Variants in ARSH observed in about 807,000 individuals in gnomAD.
ARSH encodes the protein arylsulfatase family member H.
ARSH carries 32 observed loss-of-function variants against 28.7 expected under a neutral mutation model. That is an observed-to-expected ratio of 1.11 (90% confidence interval 0.84 to 1.50). The LOEUF is 1.50. Among genes scored for constraint, ARSH ranks in the 40% most tolerant of loss-of-function variants. The pLI is 0.00. For missense variants in ARSH, 440 were observed against 452.4 expected (o/e 0.97, Z 0.25); for synonymous variants, 176 against 177.3 (o/e 0.99, Z 0.06).
chrX:3,011,226 A>G (rs1325939079), intron 2 of ARSH, among the ~76,000 whole-genome samples: 1 of 103,142 alleles, frequency 9.7e-6, no homozygotes, highest in Admixed American at 1.1e-4. Context: ...TCAGGATTTC[A>G]GGATTTTTTC....
chrX:3,013,480 G>T (rs2089856874), intron 3 of ARSH, among the ~76,000 whole-genome samples: 1 of 108,262 alleles, frequency 9.2e-6, no homozygotes, highest in African/African-American at 3.4e-5. Context: ...CAGTAAATTT[G>T]TAGAGAAGTA....
intron 3 of ARSH, among the ~76,000 whole-genome samples, chrX:3,014,620 C>G (rs1456785333): frequency 9.0e-6 from 1 of 111,361 alleles, no homozygotes; most frequent in Non-Finnish European, 1.9e-5. Context: ...ACCAAGACAT[C>G]GATTCTGCCC....
rs184082801 is a variant in ARSH at position 3,019,158 on chromosome X, G to A, written c.901+488G>A. Among the ~76,000 whole-genome samples the A allele has an allele frequency of 9.2e-5, 10 of 108,503 alleles. No homozygotes were observed. The East Asian group carries it at 2.0e-3, about 22-fold the overall frequency. The allele number at this position is 108,503 out of a possible 115,157, so 94.2% of individuals were successfully genotyped here. On this transcript the variant is annotated intron_variant, in intron 5 of 8. Transcript: ENST00000381130. ...TGCGGGCCTGTAGTCCCAGCTGCTC[G>A]GGAGGGTGAGGCAGGAGAATCACTT...
In ARSH at chrX:3,009,791, G is replaced by A. The variant is rs61284298; in HGVS notation, c.93-239G>A. Among the ~76,000 whole-genome samples, 609 of 111,515 alleles carry A rather than the reference G, an allele frequency of 5.5e-3. 5 individuals carry two copies. Among genetic ancestry groups the A allele is most frequent in the African/African-American group, 0.019 (590 of 30,737 alleles). On this transcript the variant is annotated intron_variant, in intron 1 of 8. Transcript: ENST00000381130. ...TCTCAGACTCATAAAACTGTATACC[G>A]AGTGACCTGTATTCATTTGTAATAG...
intron 2 of ARSH, among the ~76,000 whole-genome samples, chrX:3,012,563 A>G (rs1413280023): frequency 4.6e-5 from 1 of 21,967 alleles, no homozygotes; most frequent in Admixed American, 5.8e-4. Context: ...AAAAAAAAAA[A>G]AAAAAATATA....
intron 5 of ARSH, among the ~76,000 whole-genome samples, chrX:3,021,807 G>A (rs1024409232): frequency 9.5e-6 from 1 of 105,814 alleles, no homozygotes; most frequent in Non-Finnish European, 1.9e-5. Flanking sequence ...TGACCTCCTC[G>A]GCTCAGGTGA....
chrX:3,021,233 A>G (rs1245743520), intron 5 of ARSH, among the ~76,000 whole-genome samples: 1 of 110,094 alleles, frequency 9.1e-6, no homozygotes, highest in Non-Finnish European at 1.9e-5. Context: ...CCGTAAAGGG[A>G]TTTTCTGTTA....
chrX:3,032,421 GGAAGGAAGGAAGGGGAA>G (rs2089916816), intron 8 of ARSH, among the ~76,000 whole-genome samples: 1 of 101,689 alleles, frequency 9.8e-6, no homozygotes, highest in Non-Finnish European at 2.0e-5. Flanking sequence ...AGGAAAGGAA[GGAAGGAAGGAAGGGGAA>G]GGGAAGGGAA....
intron 5 of ARSH, among the ~76,000 whole-genome samples, chrX:3,023,112 A>T (rs2089888729): frequency 9.5e-6 from 1 of 105,311 alleles, no homozygotes; most frequent in Non-Finnish European, 1.9e-5. Context: ...TTGTATATGA[A>T]CTATTCTACA....
chrX:3,033,671 G>C lies in ARSH; in HGVS notation c.*286G>C, dbSNP rs568718357. The stretch of plus-strand genomic sequence containing the variant: ...GGTGACTTCAGCAGATTCTTGTAGA[G>C]CTTTTGTTCCTAGAATTCATGGAAG... On this transcript the variant is annotated 3_prime_UTR_variant, in exon 9 of 9. Transcript: ENST00000381130. 1.7e-5 allele frequency: 3 copies of C among 173,112 alleles called. No homozygotes were observed. In the East Asian group the frequency reaches 3.5e-4, roughly 20 times the overall value. The allele number at this position is 173,112 out of a possible 1,213,427, so 14.3% of individuals were successfully genotyped here.
rs758336736 is a variant in ARSH, at chrX:3,014,980, C to T, written c.351C>T (p.His117=). ...TTATTTTACTTTTAGGCAAATGGCA[C>T]CTGGGTTTGAGCTGCGCCTCTCGGA... ...GYRTGLIGKW[H]LGLSCASRND... Residue 117 remains histidine (H), a synonymous_variant, in exon 4 of 9, where the codon CAC becomes CAT. Coordinates refer to ENST00000381130, the MANE Select transcript of ARSH (RefSeq NM_001011719.2). The T allele has an allele frequency of 6.6e-6, 8 of 1,208,006 alleles. No individual in the cohort carries two copies. The South Asian group carries it at 1.2e-4, about 19-fold the overall frequency.
At position 3,033,082 on chromosome X, in the gene ARSH, C is replaced by T; in HGVS notation, c.1386C>T (p.Cys462=). ...PKFYPEGTGA[C]YGSGICSCSG... is the part of the protein sequence containing the mutation. ...TCTACCCTGAAGGAACAGGTGCCTGCTATGGGAGTGGAATATGTTCATGTT... is the reference window on the plus strand; with the variant it reads ...TCTACCCTGAAGGAACAGGTGCCTGTTATGGGAGTGGAATATGTTCATGTT... Residue 462 remains cysteine, a synonymous_variant, in exon 9 of 9, where the codon TGC becomes TGT. Transcript: ENST00000381130. The T allele has an allele frequency of 8.3e-7, 1 of 1,211,123 alleles. No homozygotes were observed. Among genetic ancestry groups the T allele is most frequent in the Non-Finnish European group, 1.1e-6 (1 of 895,182 alleles).
At position 3,007,089 on chromosome X, in the gene ARSH, A is replaced by T. The variant is rs191518472; in HGVS notation, c.92+385A>T. ...AGACCCCGTCTCTACAAAAATAATA[A>T]AAAAAAAAATCTACTGGGACATGGT... On this transcript the variant is annotated intron_variant, in intron 1 of 8. Transcript: ENST00000381130. Among the ~76,000 whole-genome samples, 915 of 100,035 alleles carry T rather than the reference A, an allele frequency of 9.1e-3. 2 individuals are homozygous for T. The highest frequency in any genetic ancestry group is 0.035 in the Middle Eastern group (7 of 200). 86.9% of individuals were successfully genotyped at this position (100,035 alleles called of 115,157 possible).
chrX:3,007,352 C>T (rs1321370030), intron 1 of ARSH, among the ~76,000 whole-genome samples: 3 of 108,938 alleles, frequency 2.8e-5, no homozygotes, highest in African/African-American at 1.0e-4. Context: ...CAAAGAAGAC[C>T]CCCATTTCCC....
At chrX:3,020,482 C>A (rs577463626) in intron 5 of ARSH, among the ~76,000 whole-genome samples, 3 of 95,435 alleles carry the variant, frequency 3.1e-5, no homozygotes, top group African/African-American at 7.6e-5. Context: ...CCAGCTACTC[C>A]GGAGGCTGAG....
intron 1 of ARSH, among the ~76,000 whole-genome samples, chrX:3,009,332 C>T (rs1227206169): frequency 4.5e-5 from 5 of 110,468 alleles, no homozygotes; most frequent in Non-Finnish European, 5.7e-5. Flanking sequence ...TACCACTGGG[C>T]GTGGTGGCTC....
At chrX:3,023,872 C>A in intron 5 of ARSH, 149 bp from the exon 6 acceptor site, 1 of 514,418 alleles carries the variant, frequency 1.9e-6, no homozygotes, top group Non-Finnish European at 3.0e-6. Flanking sequence ...GTATGTATTA[C>A]AATATTATAT....
At chrX:3,017,143 T>C (rs780591834) in intron 4 of ARSH, among the ~76,000 whole-genome samples, 6 of 111,603 alleles carry the variant, frequency 5.4e-5, no homozygotes, top group Non-Finnish European at 1.1e-4. Flanking sequence ...GCCCTTCCCG[T>C]CCCAACCCAT....
chrX:3,016,401 A>C (rs1569123582), intron 4 of ARSH, among the ~76,000 whole-genome samples: 1 of 110,308 alleles, frequency 9.1e-6, no homozygotes, highest in Admixed American at 9.8e-5. Flanking sequence ...GGGGGGTAAA[A>C]TTTTTTTTCT....
Sources: allele counts gnomAD v4.1 joint callset (sites outside exome capture counted in the v4.1 genomes callset), GRCh38; gene constraint gnomAD v4.1.1; transcripts MANE v1.5; gene names NCBI Gene and HGNC (gene_info 2026-07-23, HGNC 2026-07-21).